Variants in ADCY4 observed in about 807,000 individuals in gnomAD.
The protein encoded by ADCY4 is adenylate cyclase type 4.
In ADCY4, 111 loss-of-function variants were observed where a neutral mutation model predicts 125.5. The ratio of observed to expected loss-of-function variants is 0.88; its 90% confidence interval spans 0.76 to 1.04. ADCY4 has a LOEUF of 1.04. Ranked by LOEUF, ADCY4 falls within the 50% of genes least tolerant of loss-of-function variation. The pLI is 0.00. For synonymous variants in ADCY4, 576 were observed against 586.9 expected (o/e 0.98, Z 0.27); for missense variants, 1,256 against 1,382.9 (o/e 0.91, Z 1.46).
At chr14:24,334,388 T>A in intron 1 of ADCY4, 106 bp downstream of exon 1, 1 of 1,446,906 alleles carries the variant, frequency 6.9e-7, no homozygotes, top group South Asian at 1.4e-5. Context: ...GTCCTTTCTT[T>A]CTCTGCTCCC....
At chr14:24,321,717 T>A (rs1180943455) in intron 20 of ADCY4, 1 of 861,964 alleles carries the variant, frequency 1.2e-6, no homozygotes, top group Non-Finnish European at 1.4e-6. Context: ...ACCGCTCACC[T>A]CCTGCTGTGT....
chr14:24,325,602 C>A lies in ADCY4; in HGVS notation c.1726-128G>T, dbSNP rs556293379. ...AGGCTCCAGTTCAGTTCCATGTAGA[C>A]CCTACCAGTTCTCCAAGGAGTTACC... On this transcript the variant is annotated intron_variant, in intron 13 of 24. Transcript: ENST00000418030. 9.1e-4 allele frequency: 838 copies of A among 919,364 alleles called. 2 individuals carry two copies. Among genetic ancestry groups the A allele is most frequent in the Non-Finnish European group, 9.8e-4 (594 of 605,810 alleles). 57.0% of individuals were successfully genotyped at this position (919,364 alleles called of 1,614,324 possible). A position where few individuals can be genotyped will look rare whatever the true frequency, so the allele number is the denominator to read the frequency against.
rs1231588761 is a variant in ADCY4 at position 24,326,305 on chromosome 14, A to G, written c.1562T>C (p.Leu521Pro). ...GACTTTGAGGCCTCCTCACCGATCC[A>G]GGCTCCACTGGGTGCTGAAGGAAGC... ...TLASFSTQWS[L>P]DRSRTPRGLD... Residue 521 changes from leucine to proline, a missense_variant, in exon 11 of 25, where the codon CTG becomes CCG. Physicochemically the swap from Leu to Pro is moderately conservative, Grantham distance 98. Coordinates refer to ENST00000418030, the MANE Select transcript of ADCY4 (RefSeq NM_001198568.2). 2 of 1,614,072 alleles carry G rather than the reference A, an allele frequency of 1.2e-6. No individual in the cohort carries two copies. The highest frequency in any genetic ancestry group is 1.6e-4 in the Middle Eastern group (1 of 6,062).
chr14:24,321,959 G>T, intron 20 of ADCY4, 107 bp downstream of exon 20: 1 of 1,463,178 alleles, frequency 6.8e-7, no homozygotes. Flanking sequence ...AAGGGCTTGG[G>T]TGACCCTTCT....
chr14:24,318,807 TG>T (rs753310275), intron 23 of ADCY4, 29 bp from the exon 24 acceptor site: 1 of 1,612,968 alleles, frequency 6.2e-7, no homozygotes, highest in African/African-American at 1.3e-5. Flanking sequence ...ATGACAGACT[TG>T]GAGAAGGAAG....
intron 16 of ADCY4, chr14:24,323,700 C>A: frequency 7.4e-7 from 1 of 1,360,214 alleles, no homozygotes; most frequent in South Asian, 1.7e-5. Context: ...AGCCACTTAG[C>A]CTCTCTGGGC....
intron 10 of ADCY4, 41 bp downstream of exon 10, chr14:24,329,020 A>G (rs1594663551): frequency 6.3e-7 from 1 of 1,595,392 alleles, no homozygotes; most frequent in South Asian, 1.1e-5. Flanking sequence ...CTGGGGGTGG[A>G]TTTAACTAAG....
chr14:24,331,586 A>G lies in ADCY4; in HGVS notation c.669+202T>C, dbSNP rs1306773577. 5 of 925,056 alleles carry G rather than the reference A, an allele frequency of 5.4e-6. No individual in the cohort carries two copies. In the African/African-American group the frequency reaches 8.3e-5, roughly 15 times the overall value. 57.3% of individuals were successfully genotyped at this position (925,056 alleles called of 1,614,324 possible). A position where few individuals can be genotyped will look rare whatever the true frequency, so the allele number is the denominator to read the frequency against. On this transcript the variant is annotated intron_variant, in intron 4 of 24. Coordinates refer to ENST00000418030, the MANE Select transcript of ADCY4 (RefSeq NM_001198568.2). ...GAATGGGAGTTCACTTAATATCATAATGCTCTAAAGTGCTTTTTATAAGCT... is the reference window on the plus strand; with the variant it reads ...GAATGGGAGTTCACTTAATATCATAGTGCTCTAAAGTGCTTTTTATAAGCT...
In ADCY4 at chr14:24,319,549, T is replaced by G; in HGVS notation, c.2734-113A>C. ...AAGGATCAGGCTGTGGGAGTGGAGA[T>G]AGTGTCAGGAAGGAGAGGGTTGGTG... is the stretch of plus-strand genomic sequence containing the variant. On this transcript the variant is annotated intron_variant, in intron 21 of 24. Coordinates refer to ENST00000418030, the MANE Select transcript of ADCY4 (RefSeq NM_001198568.2). The surrounding 1 kb of genome is among the most constrained non-coding windows in gnomAD (Gnocchi z 4.5). 1 of 1,282,256 alleles carries G rather than the reference T, an allele frequency of 7.8e-7. No homozygotes were observed. Among genetic ancestry groups the G allele is most frequent in the Admixed American group, 2.0e-5 (1 of 49,424 alleles). 79.4% of individuals were successfully genotyped at this position (1,282,256 alleles called of 1,614,324 possible).
intron 23 of ADCY4, 99 bp downstream of exon 23, chr14:24,318,999 T>C: frequency 2.7e-6 from 4 of 1,492,320 alleles, no homozygotes; most frequent in Admixed American, 3.5e-5. Context: ...GGAAAGGGGC[T>C]TCAGGATGAA....
At chr14:24,321,698 T>C in intron 20 of ADCY4, 1 of 653,426 alleles carries the variant, frequency 1.5e-6, no homozygotes, top group Non-Finnish European at 1.9e-6. Flanking sequence ...CAGGCGGTAG[T>C]GCTGGCTCAC....
Position 24,323,650 on chromosome 14 carries a change from A to G in ADCY4, c.2047-196T>C, listed in dbSNP as rs2041892242. On this transcript the variant is annotated intron_variant, in intron 16 of 24. Transcript: ENST00000418030. ...GAGGAGTTATGTGAGGGGCGTCAAGAGTACTCCTCTGACTCTGAGCCACTG... is the reference window on the plus strand; with the variant it reads ...GAGGAGTTATGTGAGGGGCGTCAAGGGTACTCCTCTGACTCTGAGCCACTG... 7 of 1,413,738 alleles carry G rather than the reference A, an allele frequency of 5.0e-6. No individual in the cohort carries two copies. The South Asian group carries it at 1.1e-4, about 21-fold the overall frequency. The allele number at this position is 1,413,738 out of a possible 1,614,324, so 87.6% of individuals were successfully genotyped here.
At chr14:24,332,706 CG>C in intron 2 of ADCY4, 23 bp from the exon 3 acceptor site, 1 of 1,575,116 alleles carries the variant, frequency 6.3e-7, no homozygotes, top group Non-Finnish European at 8.6e-7. Context: ...CGCGGGAAGC[CG>C]AAGGCCCAAG....
chr14:24,321,298 G>A (rs2041848242), intron 20 of ADCY4, among the ~76,000 whole-genome samples: 1 of 151,872 alleles, frequency 6.6e-6, no homozygotes, highest in South Asian at 2.1e-4. Context: ...GCAGGCGCCT[G>A]TAATCCCAGC....
At position 24,331,197 on chromosome 14, in the gene ADCY4, C is replaced by T. The variant is rs1440988993; in HGVS notation, c.818+11G>A. 16 of 1,613,972 alleles carry T rather than the reference C, an allele frequency of 9.9e-6. No individual in the cohort carries two copies. Among genetic ancestry groups the T allele is most frequent in the Non-Finnish European group, 1.4e-5 (16 of 1,179,966 alleles). On this transcript the variant is annotated intron_variant, in intron 5 of 24. Transcript: ENST00000418030. ...CACAGGCCCCTCCCCTCCAGCCATT[C>T]TTCCTCATACCTGACTCCCTGGTGC...
rs922173336 is a variant in ADCY4 at position 24,321,974 on chromosome 14, G to T, written c.2586+92C>A. The T allele has an allele frequency of 3.4e-6, 5 of 1,488,988 alleles. No homozygotes were observed. In the African/African-American group the frequency reaches 4.2e-5, roughly 12 times the overall value. The allele number at this position is 1,488,988 out of a possible 1,614,324, so 92.2% of individuals were successfully genotyped here. A position where few individuals can be genotyped will look rare whatever the true frequency, so the allele number is the denominator to read the frequency against. On this transcript the variant is annotated intron_variant, in intron 20 of 24. Coordinates refer to ENST00000418030, the MANE Select transcript of ADCY4 (RefSeq NM_001198568.2). ...AAGGGCTTGGGTGACCCTTCTGGGG[G>T]TTCTAGAGAAAACGGGCCATAGGTC...
At position 24,329,448 on chromosome 14, in the gene ADCY4, A is replaced by G; in HGVS notation, c.1303T>C (p.Tyr435His). 9.5e-6 allele frequency: 15 copies of G among 1,579,844 alleles called. No individual in the cohort carries two copies. Among genetic ancestry groups the G allele is most frequent in the African/African-American group, 4.1e-5 (3 of 73,388 alleles). ...EDAGMEHRDP[Y>H]LRELGEPTYL... ...GTAGGCTCCCCTAGCTCCCGAAGGTAGGGGTCCCGATGCTCCATGCCTGCG... is the reference window on the plus strand; with the variant it reads ...GTAGGCTCCCCTAGCTCCCGAAGGTGGGGGTCCCGATGCTCCATGCCTGCG... The change falls in exon 9 of 25, where the codon TAC becomes CAC. Residue 435 changes from tyrosine (Y) to histidine (H), a missense_variant. Physicochemically the swap from Tyr to His is moderately conservative, Grantham distance 83 (BLOSUM62 2). Coordinates refer to ENST00000418030, the MANE Select transcript of ADCY4 (RefSeq NM_001198568.2).
chr14:24,333,279 G>A (rs2042077250), intron 1 of ADCY4, among the ~76,000 whole-genome samples: 2 of 152,168 alleles, frequency 1.3e-5, no homozygotes, highest in Non-Finnish European at 2.9e-5. Context: ...GGAGTTCAGT[G>A]GCGCGATCTC....
intron 23 of ADCY4, 126 bp from the exon 24 acceptor site, chr14:24,318,904 G>C (rs1594645826): frequency 1.4e-6 from 2 of 1,455,468 alleles, no homozygotes; most frequent in East Asian, 4.6e-5. Context: ...CTAAGGGCTG[G>C]AGGAATGTAG....
Sources: gnomAD v4.1 joint callset for allele counts (sites outside exome capture counted in the v4.1 genomes callset) on GRCh38, gnomAD v4.1.1 for gene constraint, Gnocchi (gnomAD v3.1) non-coding constraint, MANE v1.5 for transcripts, NCBI Gene and HGNC (gene_info 2026-07-23, HGNC 2026-07-21) for gene names.